SAMD4A: variants seen among roughly 807,000 people sequenced by gnomAD.
SAMD4A encodes sterile alpha motif domain containing 4A.
A neutral mutation model predicts 81.3 loss-of-function variants in SAMD4A; 33 were observed. The ratio of observed to expected loss-of-function variants is 0.41; its 90% CI spans 0.31 to 0.54. The LOEUF (loss-of-function observed/expected upper bound fraction) is 0.54, where lower values mean the gene tolerates loss of function less well. Among genes scored for constraint, SAMD4A ranks in the 20% least tolerant of loss-of-function variants. The pLI, the probability that SAMD4A is intolerant of heterozygous loss-of-function variation, is 0.37. For missense variants in SAMD4A, 854 were observed against 951.1 expected (o/e 0.90, Z 1.34); for synonymous variants, 389 against 382.1 (o/e 1.02, Z -0.21).
At chr14:54,678,486 T>G (rs2036044761) in intron 2 of SAMD4A, among the ~76,000 whole-genome samples, 3 of 68,368 alleles carry the variant, frequency 4.4e-5, no homozygotes, top group African/African-American at 1.3e-4. Context: ...TGTGTGTGTG[T>G]GTGTGTGTGT....
intron 2 of SAMD4A, among the ~76,000 whole-genome samples, chr14:54,589,300 A>T (rs549207564): frequency 1.3e-5 from 2 of 152,168 alleles, no homozygotes; most frequent in South Asian, 2.1e-4. Context: ...GGTTATTCAA[A>T]GATGATAGTT....
chr14:54,634,751 G>A (rs868748741), intron 2 of SAMD4A, among the ~76,000 whole-genome samples: 8 of 107,754 alleles, frequency 7.4e-5, no homozygotes, highest in East Asian at 7.6e-4. Flanking sequence ...CTGTCTGTCT[G>A]TCTGTCTGTC....
intron 11 of SAMD4A, among the ~76,000 whole-genome samples, chr14:54,778,185 T>TTGCCAGTTCTCAGCCTTCC (rs2038909235): frequency 6.6e-6 from 1 of 152,230 alleles, no homozygotes; most frequent in East Asian, 1.9e-4. Flanking sequence ...TGCCACTCTT[T>TTGCCAGTTCTCAGCCTTCC]TGCCAGTTCT....
intron 2 of SAMD4A, among the ~76,000 whole-genome samples, chr14:54,582,795 A>G (rs1041417998): frequency 3.1e-4 from 47 of 152,116 alleles, no homozygotes; most frequent in Admixed American, 5.9e-4. Flanking sequence ...TAGGAGACGC[A>G]TGCAGAAGTC....
intron 2 of SAMD4A, among the ~76,000 whole-genome samples, chr14:54,640,205 C>T (rs1469031218): frequency 6.6e-6 from 1 of 152,140 alleles, no homozygotes; most frequent in Non-Finnish European, 1.5e-5. Context: ...CCTCTTCCTT[C>T]ATCTCCCAGC....
intron 2 of SAMD4A, among the ~76,000 whole-genome samples, chr14:54,646,482 G>A (rs891663479): frequency 1.3e-5 from 2 of 152,242 alleles, no homozygotes; most frequent in Non-Finnish European, 2.9e-5. Context: ...AAGTTCCCAC[G>A]TGATACTGCT....
At chr14:54,783,035 G>A (rs961194419) in intron 11 of SAMD4A, among the ~76,000 whole-genome samples, 4 of 152,012 alleles carry the variant, frequency 2.6e-5, no homozygotes, top group Non-Finnish European at 5.9e-5. Context: ...GAAGGTGGTG[G>A]CAACACGGAG....
chr14:54,639,265 C>G (rs976461666), intron 2 of SAMD4A, among the ~76,000 whole-genome samples: 2 of 152,210 alleles, frequency 1.3e-5, no homozygotes, highest in Admixed American at 6.5e-5. Context: ...TAACCGGCAG[C>G]TGTTATTGTT....
At chr14:54,668,420 T>C (rs1395425001) in intron 2 of SAMD4A, among the ~76,000 whole-genome samples, 3 of 152,136 alleles carry the variant, frequency 2.0e-5, no homozygotes, top group East Asian at 1.9e-4. Context: ...AGTGAACTTA[T>C]TTTCTATTTG....
At chr14:54,626,059 T>TGTGCGCGCGC (rs368142521) in intron 2 of SAMD4A, among the ~76,000 whole-genome samples, 235 of 102,098 alleles carry the variant, frequency 2.3e-3, no homozygotes, top group Non-Finnish European at 3.8e-3. Context: ...TGTGTGTGTG[T>TGTGCGCGCGC]GCGCGCGCGC....
At position 54,784,567 on chromosome 14, in the gene SAMD4A, T is replaced by G; in HGVS notation, c.2075T>G (p.Ile692Ser). The change falls in exon 12 of 13, where the codon ATC becomes AGC. Residue 692 changes from isoleucine to serine, a missense_variant. Ile to Ser is a moderately radical substitution (Grantham distance 142). Around this residue, in one of 3 missense-constraint regions of SAMD4A, gnomAD observed 428 missense variants for 471.2 expected, o/e 0.91. Transcript: ENST00000554335. The stretch of plus-strand genomic sequence containing the variant: ...CAGCTTCCCGTGACCGAACCTGACA[T>G]CAACAACAGGCTGGAGTCGTTGTGC... ...EFQLPVTEPD[I>S]NNRLESLCLS... 1 of 1,614,166 alleles carries G rather than the reference T, an allele frequency of 6.2e-7. No individual in the cohort carries two copies. The highest frequency in any genetic ancestry group is 8.5e-7 in the Non-Finnish European group (1 of 1,180,020).
intron 2 of SAMD4A, 43 bp downstream of exon 2, chr14:54,568,155 C>G: frequency 7.1e-7 from 1 of 1,416,886 alleles, no homozygotes; most frequent in Non-Finnish European, 9.2e-7. Flanking sequence ...CCTGCCCAAC[C>G]CCCGCTCCTC....
At chr14:54,751,662 C>A in intron 6 of SAMD4A, 125 bp downstream of exon 6, 1 of 709,304 alleles carries the variant, frequency 1.4e-6, no homozygotes. Flanking sequence ...TTACCAAAGT[C>A]AGAGAAAACG....
chr14:54,769,079 A>G (rs1228349839), intron 8 of SAMD4A, among the ~76,000 whole-genome samples: 1 of 152,244 alleles, frequency 6.6e-6, no homozygotes. Context: ...ATCAAATCAC[A>G]TGGATTTCCC....
intron 10 of SAMD4A, 24 bp from the exon 11 acceptor site, chr14:54,776,390 T>A (rs1180415416): frequency 1.3e-6 from 2 of 1,584,342 alleles, no homozygotes; most frequent in Non-Finnish European, 8.6e-7. Context: ...AACTAACAAG[T>A]TCCCCTTTTG....
rs1404767049 is a variant in SAMD4A, at chr14:54,580,733, A to G, written c.196+12621A>G. Among the ~76,000 whole-genome samples, 3 of 152,292 alleles carry G rather than the reference A, an allele frequency of 2.0e-5. No homozygotes were observed. The East Asian group carries it at 5.8e-4, about 29-fold the overall frequency. ...CCTGCTGATACCTTTGTATAGCACT[A>G]GTCTCAAGGTACTGGTGTTGTTCAC... is the stretch of plus-strand genomic sequence containing the variant. On this transcript the variant is annotated intron_variant, in intron 2 of 12. Coordinates refer to ENST00000554335, the MANE Select transcript of SAMD4A (RefSeq NM_015589.6).
At chr14:54,694,370 T>A (rs954866554) in intron 2 of SAMD4A, 2 of 152,614 alleles carry the variant, frequency 1.3e-5, no homozygotes, top group Non-Finnish European at 2.9e-5. Flanking sequence ...AGATGCAGGA[T>A]ATGAGAGAAA....
At chr14:54,759,438 C>A (rs2038332866) in intron 6 of SAMD4A, among the ~76,000 whole-genome samples, 1 of 152,192 alleles carries the variant, frequency 6.6e-6, no homozygotes, top group Admixed American at 6.5e-5. Flanking sequence ...TGCCCACGCT[C>A]ATTTGGGTCC....
intron 11 of SAMD4A, chr14:54,784,174 A>T (rs1042217623): frequency 2.5e-5 from 15 of 605,912 alleles, no homozygotes; most frequent in Non-Finnish European, 4.2e-5. Flanking sequence ...GGAAGGAGAG[A>T]GCTGTATGAG....
Sources: gnomAD v4.1 joint callset for allele counts (sites outside exome capture counted in the v4.1 genomes callset) on GRCh38, gnomAD v4.1.1 for gene constraint, gnomAD v4.1.1 regional missense constraint, MANE v1.5 for transcripts, NCBI Gene and HGNC (gene_info 2026-07-23, HGNC 2026-07-21) for gene names.